DPP10: variants seen among roughly 807,000 people sequenced by gnomAD.
DPP10 encodes dipeptidyl peptidase like 10, also known as inactive dipeptidyl peptidase 10.
In DPP10, 33 loss-of-function variants were observed where a neutral mutation model predicts 120.9. That is an observed-to-expected ratio of 0.27 (90% CI 0.21 to 0.37). The LOEUF is 0.37. Ranked by LOEUF, DPP10 falls within the 10% of genes least tolerant of loss-of-function variation. The pLI, the probability that DPP10 is intolerant of heterozygous loss-of-function variation, is 1.00. For missense variants in DPP10, 816 were observed against 942.8 expected (o/e 0.87, Z 1.76); for synonymous variants, 337 against 326.1 (o/e 1.03, Z -0.36).
At chr2:115,799,608 T>C (rs1411760244) in intron 19 of DPP10, among the ~76,000 whole-genome samples, 5 of 108,584 alleles carry the variant, frequency 4.6e-5, no homozygotes, top group East Asian at 3.1e-4. Context: ...CAACAGGCCC[T>C]GGTGTGTGAT....
intron 1 of DPP10, among the ~76,000 whole-genome samples, chr2:115,199,967 C>A (rs1229711177): frequency 6.6e-6 from 1 of 152,052 alleles, no homozygotes; most frequent in Non-Finnish European, 1.5e-5. Flanking sequence ...TGACCTTTAA[C>A]CAACAGGAAG....
At chr2:114,670,648 T>G (rs1277602037) in intron 1 of DPP10, among the ~76,000 whole-genome samples, 1 of 152,132 alleles carries the variant, frequency 6.6e-6, no homozygotes, top group Non-Finnish European at 1.5e-5. Flanking sequence ...ACCTGCACAT[T>G]GTGCACATGC....
intron 1 of DPP10, among the ~76,000 whole-genome samples, chr2:115,252,409 TG>T (rs2058795246): frequency 6.6e-6 from 1 of 152,190 alleles, no homozygotes; most frequent in Non-Finnish European, 1.5e-5. Context: ...CTGACTGCAA[TG>T]GGCTGTTAAC....
chr2:115,431,653 A>C (rs2070995685), intron 3 of DPP10, among the ~76,000 whole-genome samples: 1 of 152,106 alleles, frequency 6.6e-6, no homozygotes, highest in Admixed American at 6.6e-5. Context: ...TGTGCTAATC[A>C]TATTCAGTGC....
At chr2:114,726,936 T>C (rs1676376940) in intron 1 of DPP10, among the ~76,000 whole-genome samples, 1 of 152,242 alleles carries the variant, frequency 6.6e-6, no homozygotes, top group Non-Finnish European at 1.5e-5. Context: ...ATGCATAGTC[T>C]ATCTTCATGC....
intron 1 of DPP10, among the ~76,000 whole-genome samples, chr2:115,156,519 A>C (rs13021135): frequency 0.51 from 77,822 of 152,058 alleles, 20,532 homozygotes; most frequent in Non-Finnish European, 0.58. Context: ...ATTAGTCAAG[A>C]TCTTACAGTA....
chr2:115,306,466 G>A (rs761039892), intron 1 of DPP10, among the ~76,000 whole-genome samples: 11 of 152,086 alleles, frequency 7.2e-5, no homozygotes, highest in South Asian at 2.1e-4. Flanking sequence ...AAACGGGAGC[G>A]TGGATACAGA....
rs752670973 is a variant in DPP10 at position 115,814,872 on chromosome 2, G to A, written c.1780G>A (p.Val594Ile). 1 of 1,611,154 alleles carries A rather than the reference G, an allele frequency of 6.2e-7. No individual in the cohort carries two copies. Among genetic ancestry groups the A allele is most frequent in the Non-Finnish European group, 8.5e-7 (1 of 1,177,958 alleles). ...TTCCGTACTCATTGACATGGATAATGTCATTGTAGCAAGATTTGATGGCAG... is the reference window on the plus strand; with the variant it reads ...TTCCGTACTCATTGACATGGATAATATCATTGTAGCAAGATTTGATGGCAG... ...WDSVLIDMDNVIVARFDGRGS... is the reference protein window; with the variant it reads ...WDSVLIDMDNIIVARFDGRGS... The change falls in exon 20 of 26, where the codon GTC becomes ATC. Residue 594 changes from valine to isoleucine, a missense_variant. Physicochemically the swap from Val to Ile is conservative, Grantham distance 29. Transcript: ENST00000410059.
intron 1 of DPP10, among the ~76,000 whole-genome samples, chr2:115,123,382 G>C (rs1018683092): frequency 4.6e-5 from 7 of 152,072 alleles, no homozygotes; most frequent in South Asian, 2.1e-4. Context: ...TCTTCCCTTG[G>C]GGTGGCCTGT....
At chr2:115,727,164 G>A (rs979595722) in intron 7 of DPP10, among the ~76,000 whole-genome samples, 1 of 152,070 alleles carries the variant, frequency 6.6e-6, no homozygotes, top group African/African-American at 2.4e-5. Context: ...TATTTTGGCA[G>A]ACTGTGCTAT....
At chr2:114,897,987 T>C (rs1032723841) in intron 1 of DPP10, among the ~76,000 whole-genome samples, 2 of 152,130 alleles carry the variant, frequency 1.3e-5, no homozygotes, top group Non-Finnish European at 2.9e-5. Context: ...ACCCAGCCAT[T>C]CCGTTACTGG....
intron 2 of DPP10, among the ~76,000 whole-genome samples, chr2:115,322,678 G>A (rs1040614225): frequency 6.6e-6 from 1 of 152,146 alleles, no homozygotes; most frequent in African/African-American, 2.4e-5. Context: ...AATAAATGCA[G>A]GCATGCATTG....
At chr2:115,645,368 CTA>C (rs1252398925) in intron 5 of DPP10, among the ~76,000 whole-genome samples, 2 of 152,150 alleles carry the variant, frequency 1.3e-5, no homozygotes, top group Admixed American at 6.5e-5. Context: ...CCCTGCATGA[CTA>C]TGATAAGCTG....
chr2:114,937,130 T>C (rs574362036), intron 1 of DPP10, among the ~76,000 whole-genome samples: 7 of 152,184 alleles, frequency 4.6e-5, no homozygotes, highest in Non-Finnish European at 8.8e-5. Context: ...TTTTGTTGCA[T>C]TGGCTTTTGG....
chr2:115,542,178 A>C (rs1210428367), intron 5 of DPP10, among the ~76,000 whole-genome samples: 1 of 151,930 alleles, frequency 6.6e-6, no homozygotes, highest in Non-Finnish European at 1.5e-5. Context: ...ATCACAACTG[A>C]GATACAGAAC....
intron 1 of DPP10, among the ~76,000 whole-genome samples, chr2:114,665,423 G>C (rs939849760): frequency 8.6e-5 from 13 of 151,474 alleles, no homozygotes; most frequent in African/African-American, 2.7e-4. Flanking sequence ...TTTTTTTCTT[G>C]TAATGCCGCC....
At chr2:115,500,457 T>C (rs2076627597) in intron 4 of DPP10, among the ~76,000 whole-genome samples, 1 of 152,020 alleles carries the variant, frequency 6.6e-6, no homozygotes. Flanking sequence ...ATTCTACTTG[T>C]ACATTTAAAA....
chr2:115,542,769 G>C (rs2079248280), intron 5 of DPP10, among the ~76,000 whole-genome samples: 1 of 151,702 alleles, frequency 6.6e-6, no homozygotes, highest in Non-Finnish European at 1.5e-5. Flanking sequence ...GGTAACTGCA[G>C]TAACTGTATA....
At chr2:114,535,822 T>C (rs1686436105) in intron 1 of DPP10, among the ~76,000 whole-genome samples, 1 of 152,194 alleles carries the variant, frequency 6.6e-6, no homozygotes, top group East Asian at 1.9e-4. Flanking sequence ...CATCAAAAGC[T>C]GTCAAAGATG....
Sources: allele counts gnomAD v4.1 joint callset (sites outside exome capture counted in the v4.1 genomes callset), GRCh38; gene constraint gnomAD v4.1.1; transcripts MANE v1.5; gene names NCBI Gene and HGNC (gene_info 2026-07-23, HGNC 2026-07-21).